The following CNBD1 variants were observed in gnomAD, a reference collection of about 807,000 sequenced individuals.
CNBD1 encodes cyclic nucleotide-binding domain-containing protein 1.
A neutral mutation model predicts 54.4 loss-of-function variants in CNBD1; 71 were observed. The ratio of observed to expected loss-of-function variants is 1.30; its 90% CI spans 1.08 to 1.59. The LOEUF (loss-of-function observed/expected upper bound fraction) is 1.59, where lower values mean the gene tolerates loss of function less well. CNBD1 is among the 40% of genes most tolerant of loss of function. CNBD1 has a pLI of 0.00. For missense variants in CNBD1, 659 were observed against 518.0 expected, an observed-to-expected ratio of 1.27 and a Z score of -2.64; for synonymous variants, 182 against 170.7, an observed-to-expected ratio of 1.07 and a Z score of -0.51.
At chr8:87,018,436 CT>C (rs1809413141) in intron 4 of CNBD1, among the ~76,000 whole-genome samples, 1 of 152,142 alleles carries the variant, frequency 6.6e-6, no homozygotes, top group South Asian at 2.1e-4. Context: ...ACACTTAATA[CT>C]GGATTTCAGC....
intron 4 of CNBD1, among the ~76,000 whole-genome samples, chr8:87,195,926 C>T (rs946365987): frequency 3.9e-5 from 6 of 152,124 alleles, no homozygotes; most frequent in African/African-American, 1.4e-4. Flanking sequence ...CTTGCTTGTA[C>T]CTGAGAGTTC....
At chr8:86,957,152 C>G (rs1024307059) in intron 4 of CNBD1, among the ~76,000 whole-genome samples, 2 of 152,204 alleles carry the variant, frequency 1.3e-5, no homozygotes, top group Non-Finnish European at 2.9e-5. Flanking sequence ...GTATGTTGAA[C>G]TAGCCTTGCA....
intron 8 of CNBD1, among the ~76,000 whole-genome samples, chr8:87,324,412 G>A (rs868079095): frequency 0.01 from 1,332 of 128,338 alleles, 10 homozygotes; most frequent in African/African-American, 0.013. Flanking sequence ...GATAGAATTC[G>A]GCTGTGAATC....
chr8:87,087,135 T>G (rs1811109933), intron 4 of CNBD1, among the ~76,000 whole-genome samples: 1 of 139,060 alleles, frequency 7.2e-6, no homozygotes. Context: ...TTCCTGAGAA[T>G]GAAACATATT....
chr8:86,910,705 G>A (rs188097993), intron 3 of CNBD1, among the ~76,000 whole-genome samples: 2 of 152,312 alleles, frequency 1.3e-5, no homozygotes, highest in Admixed American at 6.5e-5. Flanking sequence ...AAGAAATGAA[G>A]TGGAGTCATT....
At chr8:87,150,726 T>G (rs1812586107) in intron 4 of CNBD1, among the ~76,000 whole-genome samples, 1 of 152,194 alleles carries the variant, frequency 6.6e-6, no homozygotes, top group Non-Finnish European at 1.5e-5. Context: ...TCAATGTGAT[T>G]AGCCCATTTG....
chr8:86,984,858 A>G (rs528234834), intron 4 of CNBD1, among the ~76,000 whole-genome samples: 1 of 152,244 alleles, frequency 6.6e-6, no homozygotes, highest in East Asian at 1.9e-4. Context: ...TTAGACTGTG[A>G]ACTTTTGAGT....
intron 7 of CNBD1, among the ~76,000 whole-genome samples, chr8:87,286,095 G>C (rs577447086): frequency 1.3e-5 from 2 of 151,990 alleles, no homozygotes; most frequent in Non-Finnish European, 2.9e-5. Context: ...CAGTAGTGCA[G>C]GTAATTCTCT....
At chr8:87,289,245 A>G (rs1808746183) in intron 8 of CNBD1, among the ~76,000 whole-genome samples, 1 of 152,162 alleles carries the variant, frequency 6.6e-6, no homozygotes, top group Admixed American at 6.6e-5. Flanking sequence ...ATCCTTGGCA[A>G]TCAATGAAAT....
intron 4 of CNBD1, among the ~76,000 whole-genome samples, chr8:87,087,250 TATATATATATAC>T (rs1410082534): frequency 2.2e-5 from 3 of 139,386 alleles, no homozygotes; most frequent in Admixed American, 7.2e-5. Context: ...TATATACGTA[TATATATATATAC>T]ATATATATAT....
At chr8:87,209,225 C>G (rs1180315832) in intron 5 of CNBD1, among the ~76,000 whole-genome samples, 1 of 152,052 alleles carries the variant, frequency 6.6e-6, no homozygotes, top group African/African-American at 2.4e-5. Context: ...ATCAATTATT[C>G]TGACACTCTT....
chr8:87,378,485 A>T (rs1239908858), intron 10 of CNBD1, among the ~76,000 whole-genome samples: 6 of 151,016 alleles, frequency 4.0e-5, no homozygotes, highest in Admixed American at 4.0e-4. Context: ...ATTATTTCTG[A>T]GGGCTCCATT....
intron 2 of CNBD1, among the ~76,000 whole-genome samples, chr8:87,390,220 A>G (rs187473837): frequency 1.3e-5 from 2 of 152,176 alleles, no homozygotes; most frequent in Non-Finnish European, 2.9e-5. Context: ...ACCAAAAGTA[A>G]TGGCAACAAA....
At chr8:86,885,447 AT>A (rs1298903938) in intron 1 of CNBD1, among the ~76,000 whole-genome samples, 1 of 152,120 alleles carries the variant, frequency 6.6e-6, no homozygotes, top group African/African-American at 2.4e-5. Flanking sequence ...TAACCGTGTT[AT>A]AGGGTTAAGT....
At chr8:87,422,937 T>A (rs1021649288) in intron 2 of CNBD1, among the ~76,000 whole-genome samples, 18 of 151,996 alleles carry the variant, frequency 1.2e-4, no homozygotes, top group African/African-American at 4.4e-4. Flanking sequence ...GTTTGTATCC[T>A]CTTTTATTTC....
chr8:86,990,021 C>T (rs760291550), intron 4 of CNBD1, among the ~76,000 whole-genome samples: 1 of 152,072 alleles, frequency 6.6e-6, no homozygotes. Flanking sequence ...CTAATCCGAT[C>T]TTTTGCCAGT....
chr8:87,186,634 A>G (rs1238952818), intron 4 of CNBD1, among the ~76,000 whole-genome samples: 1 of 152,064 alleles, frequency 6.6e-6, no homozygotes, highest in Non-Finnish European at 1.5e-5. Context: ...ATGAACCACA[A>G]TATAATGTAC....
chr8:87,398,809 C>T (rs1430385298), intron 2 of CNBD1, among the ~76,000 whole-genome samples: 1 of 151,980 alleles, frequency 6.6e-6, no homozygotes, highest in Non-Finnish European at 1.5e-5. Flanking sequence ...AAAGTTTCTC[C>T]TAGGACTTAT....
At chr8:87,120,724 T>A (rs1269567988) in intron 4 of CNBD1, among the ~76,000 whole-genome samples, 1 of 151,956 alleles carries the variant, frequency 6.6e-6, no homozygotes, top group African/African-American at 2.4e-5. Flanking sequence ...TAGCACTGTT[T>A]TTGCTGTATC....
Sources: gnomAD v4.1 joint callset for allele counts (sites outside exome capture counted in the v4.1 genomes callset) on GRCh38, gnomAD v4.1.1 for gene constraint, MANE v1.5 for transcripts, NCBI Gene and HGNC (gene_info 2026-07-23, HGNC 2026-07-21) for gene names.